The following NDUFB6 variants were observed in gnomAD, a reference collection of about 807,000 sequenced individuals.
NDUFB6 encodes the protein NADH dehydrogenase [ubiquinone] 1 beta subcomplex subunit 6.
NDUFB6 carries 23 observed loss-of-function variants against 17.5 expected under a neutral mutation model. The ratio of observed to expected loss-of-function variants is 1.31; its 90% CI spans 0.94 to 1.86. The LOEUF (loss-of-function observed/expected upper bound fraction) is 1.86, where lower values mean the gene tolerates loss of function less well. Ranked by LOEUF, NDUFB6 falls within the 40% of genes most tolerant of loss-of-function variation. The pLI, the probability that NDUFB6 is intolerant of heterozygous loss-of-function variation, is 0.00. For synonymous variants in NDUFB6, 60 were observed against 53.5 expected (o/e 1.12, Z -0.53); for missense variants, 167 against 153.8 (o/e 1.09, Z -0.46).
chr9:32,568,594 C>T (rs1278278557), intron 2 of NDUFB6: 2 of 172,434 alleles, frequency 1.2e-5, no homozygotes, highest in African/African-American at 2.4e-5. Context: ...AGATATCTTT[C>T]GTGAAAATAA....
intron 2 of NDUFB6, among the ~76,000 whole-genome samples, chr9:32,561,620 C>A (rs2119014131): frequency 6.6e-6 from 1 of 152,292 alleles, no homozygotes; most frequent in African/African-American, 2.4e-5. Flanking sequence ...TGAGCCACCA[C>A]ACCCAGTCTA....
At chr9:32,559,846 C>CA (rs1377735524) in intron 2 of NDUFB6, among the ~76,000 whole-genome samples, 2 of 152,308 alleles carry the variant, frequency 1.3e-5, no homozygotes, top group Admixed American at 6.5e-5. Flanking sequence ...GGGAGGGACT[C>CA]AATCTGCTCT....
intron 2 of NDUFB6, among the ~76,000 whole-genome samples, chr9:32,569,049 T>A (rs1412638899): frequency 1.3e-5 from 2 of 151,750 alleles, no homozygotes. Flanking sequence ...GCGCCCCGCC[T>A]GCTATCTTAT....
intron 2 of NDUFB6, chr9:32,566,798 G>A: frequency 1.1e-6 from 1 of 900,968 alleles, no homozygotes; most frequent in South Asian, 1.3e-5. Flanking sequence ...TGTACAGGAG[G>A]TCGGCCAGCA....
intron 3 of NDUFB6, among the ~76,000 whole-genome samples, chr9:32,558,028 A>G (rs1485953579): frequency 6.6e-6 from 1 of 152,242 alleles, no homozygotes; most frequent in Non-Finnish European, 1.5e-5. Flanking sequence ...ACAAACAGCT[A>G]GTAAATACCA....
At chr9:32,555,311 C>T (rs774566657) in intron 3 of NDUFB6, among the ~76,000 whole-genome samples, 2 of 152,152 alleles carry the variant, frequency 1.3e-5, no homozygotes, top group African/African-American at 2.4e-5. Context: ...AATTCCTAAA[C>T]AATAAGTTAA....
rs368772701 is a variant in NDUFB6, at chr9:32,563,839, G to A, written c.274-4885C>T. Among the ~76,000 whole-genome samples, 121 of 152,100 alleles carry A rather than the reference G, an allele frequency of 8.0e-4. 1 individual carries two copies. In the South Asian group the frequency reaches 0.019, roughly 24 times the overall value. On this transcript the variant is annotated intron_variant, in intron 2 of 3. Transcript: ENST00000379847. ...ATCTATTACTATCATTATTTACTTT[G>A]AAGTTCAAACTGCCCAGGCAGGAGT...
At chr9:32,572,101 C>T (rs972703253) in intron 1 of NDUFB6, among the ~76,000 whole-genome samples, 1 of 152,198 alleles carries the variant, frequency 6.6e-6, no homozygotes, top group Non-Finnish European at 1.5e-5. Context: ...TGAAGTAACA[C>T]ATGTAAAACC....
chr9:32,570,447 A>G (rs1302678535), intron 2 of NDUFB6, among the ~76,000 whole-genome samples: 1 of 152,148 alleles, frequency 6.6e-6, no homozygotes, highest in Non-Finnish European at 1.5e-5. Context: ...CCTTTAAAAT[A>G]CCACAACTGG....
intron 3 of NDUFB6, among the ~76,000 whole-genome samples, chr9:32,555,095 C>CAA (rs11391859): frequency 1.4e-4 from 20 of 138,560 alleles, no homozygotes; most frequent in Admixed American, 4.3e-4. Context: ...TGTTCCTGAC[C>CAA]AAAAAAAAAA....
chr9:32,571,482 G>A lies in NDUFB6; in HGVS notation c.181-430C>T, dbSNP rs659821. 7.7e-3 allele frequency among the ~76,000 whole-genome samples: 1,176 copies of A among 152,142 alleles called. 25 individuals carry two copies. Among genetic ancestry groups the A allele is most frequent in the African/African-American group, 0.026 (1,082 of 41,510 alleles). On this transcript the variant is annotated intron_variant, in intron 1 of 3. Coordinates refer to ENST00000379847, the MANE Select transcript of NDUFB6 (RefSeq NM_002493.5). ...ATCAATGACACTCACATCATTTTAG[G>A]TATAAGGCAGACAACCTTGACAACG...
chr9:32,558,965 A>T lies in NDUFB6; in HGVS notation c.274-11T>A. 1 of 1,568,606 alleles carries T rather than the reference A, an allele frequency of 6.4e-7. No individual in the cohort carries two copies. Among genetic ancestry groups the T allele is most frequent in the South Asian group, 1.1e-5 (1 of 88,270 alleles). ...GCCATATGGTTTTTCCTGTAATAAA[A>T]GTTAACTCTGTGTTAATTATGGTGT... On this transcript the variant is annotated splice_polypyrimidine_tract_variant and intron_variant, in intron 2 of 3. Coordinates refer to ENST00000379847, the MANE Select transcript of NDUFB6 (RefSeq NM_002493.5).
At chr9:32,566,018 A>C (rs1462781654) in intron 2 of NDUFB6, 2 of 328,122 alleles carry the variant, frequency 6.1e-6, no homozygotes, top group Non-Finnish European at 1.1e-5. Flanking sequence ...TACTGAAATC[A>C]GATTTGCCGG....
Position 32,558,254 on chromosome 9 carries a change from G to A in NDUFB6, c.318+656C>T, listed in dbSNP as rs562766040. Among the ~76,000 whole-genome samples, 3 of 152,052 alleles carry A rather than the reference G, an allele frequency of 2.0e-5. No individual in the cohort carries two copies. The South Asian group carries it at 6.3e-4, about 32-fold the overall frequency. On this transcript the variant is annotated intron_variant, in intron 3 of 3. Coordinates refer to ENST00000379847, the MANE Select transcript of NDUFB6 (RefSeq NM_002493.5). ...AGCCTCTCGAGTAGCTGGGACTACA[G>A]GCGCCCGCCACCACGCCCAGCTAAT...
At chr9:32,562,299 G>C (rs957704824) in intron 2 of NDUFB6, among the ~76,000 whole-genome samples, 1 of 152,210 alleles carries the variant, frequency 6.6e-6, no homozygotes, top group African/African-American at 2.4e-5. Context: ...GGACATGCTA[G>C]GCACTCCGTA....
chr9:32,561,894 T>C (rs1821637562), intron 2 of NDUFB6, among the ~76,000 whole-genome samples: 1 of 152,250 alleles, frequency 6.6e-6, no homozygotes, highest in Non-Finnish European at 1.5e-5. Flanking sequence ...TCTGCCCTGC[T>C]GTCAGAACTT....
chr9:32,570,468 T>A (rs1821913853), intron 2 of NDUFB6, among the ~76,000 whole-genome samples: 1 of 152,176 alleles, frequency 6.6e-6, no homozygotes, highest in African/African-American at 2.4e-5. Context: ...CTCAGTTCCA[T>A]CAGCCCATGC....
At chr9:32,556,997 G>A (rs904528694) in intron 3 of NDUFB6, among the ~76,000 whole-genome samples, 11 of 149,474 alleles carry the variant, frequency 7.4e-5, no homozygotes, top group African/African-American at 2.0e-4. Flanking sequence ...GATTACAGGC[G>A]TGCACCACCA....
At chr9:32,562,140 T>C (rs890825752) in intron 2 of NDUFB6, among the ~76,000 whole-genome samples, 5 of 152,202 alleles carry the variant, frequency 3.3e-5, no homozygotes, top group Non-Finnish European at 7.4e-5. Flanking sequence ...GCCACGTTCA[T>C]TACTGACTCC....
Sources: allele counts gnomAD v4.1 joint callset (sites outside exome capture counted in the v4.1 genomes callset), GRCh38; gene constraint gnomAD v4.1.1; transcripts MANE v1.5; gene names NCBI Gene and HGNC (gene_info 2026-07-23, HGNC 2026-07-21).